SH3KBP1: variants seen among roughly 807,000 people sequenced by gnomAD.
SH3KBP1 encodes SH3 domain containing kinase binding protein 1.
Under a neutral mutation model 50.1 loss-of-function variants are expected in SH3KBP1, and 8 were observed. That is an observed-to-expected ratio of 0.16 (90% CI 0.09 to 0.29). SH3KBP1 has a LOEUF of 0.29. Ranked by LOEUF, SH3KBP1 falls within the 10% of genes least tolerant of loss-of-function variation. The pLI, the probability that SH3KBP1 is intolerant of heterozygous loss-of-function variation, is 1.00. For missense variants in SH3KBP1, 377 were observed against 535.2 expected, an observed-to-expected ratio of 0.70 and a Z score of 2.92; for synonymous variants, 227 against 218.6, an observed-to-expected ratio of 1.04 and a Z score of -0.34.
Position 19,667,781 on chromosome X carries a change from AT to A in SH3KBP1, c.726+16041del, listed in dbSNP as rs758157459. Among the ~76,000 whole-genome samples the A allele has an allele frequency of 9.6e-5, 10 of 104,131 alleles. No individual in the cohort carries two copies. In the East Asian group the frequency reaches 3.2e-3, roughly 33 times the overall value. 90.4% of individuals were successfully genotyped at this position (104,131 alleles called of 115,157 possible). A position where few individuals can be genotyped will look rare whatever the true frequency, so the allele number is the denominator to read the frequency against. ...CAGGAAGTAAAGTTAAGTGTATAGG[AT>A]TCAGAAAGTCTTACTTTTGTTCTGT... is the stretch of plus-strand genomic sequence containing the variant. On this transcript the variant is annotated intron_variant, in intron 6 of 17. Transcript: ENST00000397821.
chrX:19,620,981 T>C lies in SH3KBP1; in HGVS notation c.897+10883A>G, dbSNP rs114496703. 7.6e-3 allele frequency among the ~76,000 whole-genome samples: 824 copies of C among 107,975 alleles called. 12 individuals are homozygous for C. The highest frequency in any genetic ancestry group is 0.027 in the African/African-American group (789 of 29,288). 93.8% of individuals were successfully genotyped at this position (107,975 alleles called of 115,157 possible). A position where few individuals can be genotyped will look rare whatever the true frequency, so the allele number is the denominator to read the frequency against. On this transcript the variant is annotated intron_variant, in intron 8 of 17. Coordinates refer to ENST00000397821, the MANE Select transcript of SH3KBP1 (RefSeq NM_031892.3). ...TTACATGTAGATCTATGGTCCATTTTGAGTTAAATTTGTATAATAGGTTCA... is the reference window on the plus strand; with the variant it reads ...TTACATGTAGATCTATGGTCCATTTCGAGTTAAATTTGTATAATAGGTTCA...
intron 2 of SH3KBP1, among the ~76,000 whole-genome samples, chrX:19,815,101 A>C (rs2067315073): frequency 8.9e-6 from 1 of 112,011 alleles, no homozygotes; most frequent in African/African-American, 3.2e-5. Context: ...GTGTATGGGA[A>C]AGTGGTATGG....
chrX:19,841,177 C>A (rs1473361030), intron 1 of SH3KBP1, among the ~76,000 whole-genome samples: 1 of 111,020 alleles, frequency 9.0e-6, no homozygotes, highest in Non-Finnish European at 1.9e-5. Flanking sequence ...GTGGTATATC[C>A]GTGGCCCTGC....
intron 2 of SH3KBP1, among the ~76,000 whole-genome samples, chrX:19,804,394 T>C (rs755024681): frequency 9.0e-6 from 1 of 110,789 alleles, no homozygotes; most frequent in African/African-American, 3.3e-5. Context: ...TACTCTTTTT[T>C]TCCTCCACTC....
intron 2 of SH3KBP1, among the ~76,000 whole-genome samples, chrX:19,777,785 C>G (rs2066026731): frequency 1.8e-5 from 2 of 111,629 alleles, no homozygotes; most frequent in African/African-American, 6.5e-5. Context: ...TCCACACCAG[C>G]AGCATCACCA....
intron 13 of SH3KBP1, among the ~76,000 whole-genome samples, chrX:19,555,773 A>G (rs2065468916): frequency 8.9e-6 from 1 of 111,947 alleles, no homozygotes; most frequent in African/African-American, 3.2e-5. Flanking sequence ...AGAGAGGTGT[A>G]CAGCCCCCAT....
intron 10 of SH3KBP1, among the ~76,000 whole-genome samples, chrX:19,594,725 T>C (rs1215575152): frequency 9.0e-6 from 1 of 111,479 alleles, no homozygotes; most frequent in African/African-American, 3.3e-5. Flanking sequence ...ATTGGGAGCC[T>C]AGATTTTTAC....
chrX:19,839,137 C>T (rs1287874114), intron 1 of SH3KBP1, among the ~76,000 whole-genome samples: 2 of 109,201 alleles, frequency 1.8e-5, no homozygotes, highest in African/African-American at 6.6e-5. Flanking sequence ...AACTATGTAC[C>T]TGAACCATGA....
intron 6 of SH3KBP1, among the ~76,000 whole-genome samples, chrX:19,646,141 A>T (rs1194458649): frequency 2.7e-5 from 3 of 112,186 alleles, no homozygotes; most frequent in African/African-American, 9.7e-5. Context: ...TAAGCCTCCA[A>T]GGGCTTAGAA....
intron 6 of SH3KBP1, among the ~76,000 whole-genome samples, chrX:19,655,734 C>T (rs1051074845): frequency 3.6e-5 from 4 of 110,663 alleles, no homozygotes; most frequent in Non-Finnish European, 7.6e-5. Context: ...ACTATTTGGG[C>T]GATGGGTTCG....
chrX:19,795,143 T>C (rs894830369), intron 2 of SH3KBP1, among the ~76,000 whole-genome samples: 1 of 111,949 alleles, frequency 8.9e-6, no homozygotes, highest in Non-Finnish European at 1.9e-5. Flanking sequence ...TATGATGAAT[T>C]ACATATGGCA....
intron 2 of SH3KBP1, among the ~76,000 whole-genome samples, chrX:19,798,764 G>T (rs2066800357): frequency 8.9e-6 from 1 of 112,233 alleles, no homozygotes; most frequent in Admixed American, 9.4e-5. Context: ...AGCCAGGACA[G>T]CAACACTGGT....
At chrX:19,838,935 A>C (rs1354481170) in intron 1 of SH3KBP1, among the ~76,000 whole-genome samples, 1 of 110,178 alleles carries the variant, frequency 9.1e-6, no homozygotes, top group African/African-American at 3.3e-5. Context: ...AAAAGAAAGA[A>C]AGAAAATGAT....
chrX:19,881,818 G>GA (rs779878569), intron 1 of SH3KBP1, among the ~76,000 whole-genome samples: 2 of 111,636 alleles, frequency 1.8e-5, no homozygotes, highest in African/African-American at 3.3e-5. Context: ...GAGAAATCAG[G>GA]AAAAAATAGG....
At chrX:19,837,842 T>C (rs1356096128) in intron 1 of SH3KBP1, among the ~76,000 whole-genome samples, 1 of 111,640 alleles carries the variant, frequency 9.0e-6, no homozygotes. Context: ...CAGTGGTAAA[T>C]TAGCAATTCA....
At chrX:19,855,785 C>T (rs1170385147) in intron 1 of SH3KBP1, among the ~76,000 whole-genome samples, 1 of 111,974 alleles carries the variant, frequency 8.9e-6, no homozygotes, top group Non-Finnish European at 1.9e-5. Context: ...TCTTTTTTGT[C>T]GTTTAAGTGT....
chrX:19,576,454 A>G (rs2066202658), intron 12 of SH3KBP1, among the ~76,000 whole-genome samples: 1 of 111,500 alleles, frequency 9.0e-6, no homozygotes, highest in African/African-American at 3.3e-5. Context: ...AAAAGAAAAG[A>G]AAAGAAAGAA....
chrX:19,574,840 T>C (rs1182745046), intron 12 of SH3KBP1, among the ~76,000 whole-genome samples: 4 of 112,427 alleles, frequency 3.6e-5, no homozygotes, highest in African/African-American at 1.3e-4. Flanking sequence ...TCAAAATTTA[T>C]ATGTTGAAGT....
chrX:19,670,773 G>A (rs1186976397), intron 6 of SH3KBP1: 2 of 944,316 alleles, frequency 2.1e-6, no homozygotes, highest in Non-Finnish European at 2.8e-6. Context: ...CCATTACCCA[G>A]TCTTGCTACA....
Sources: allele counts gnomAD v4.1 joint callset (sites outside exome capture counted in the v4.1 genomes callset), GRCh38; gene constraint gnomAD v4.1.1; transcripts MANE v1.5; gene names NCBI Gene and HGNC (gene_info 2026-07-23, HGNC 2026-07-21).